The following NRXN3 variants were observed in gnomAD, a reference collection of about 807,000 sequenced individuals.
NRXN3 encodes the protein neurexin 3, also known as neurexin III.
NRXN3 carries 32 observed loss-of-function variants against 137.6 expected under a neutral mutation model. The observed-to-expected ratio is 0.23, with a 90% CI of 0.18 to 0.31. The LOEUF (loss-of-function observed/expected upper bound fraction) is 0.31, where lower values mean the gene tolerates loss of function less well. NRXN3 is among the 10% of genes least tolerant of loss of function. The pLI is 1.00. For synonymous variants in NRXN3, 798 were observed against 784.5 expected (o/e 1.02, Z -0.29); for missense variants, 1,574 against 2,062.5 (o/e 0.76, Z 4.59).
At chr14:79,292,739 G>T (rs1263716726) in intron 15 of NRXN3, among the ~76,000 whole-genome samples, 1 of 152,198 alleles carries the variant, frequency 6.6e-6, no homozygotes, top group African/African-American at 2.4e-5. Flanking sequence ...GTGAATATGT[G>T]TGTGTTTGCT....
At chr14:78,455,995 T>A (rs977175156) in intron 4 of NRXN3, among the ~76,000 whole-genome samples, 1 of 152,234 alleles carries the variant, frequency 6.6e-6, no homozygotes, top group East Asian at 1.9e-4. Context: ...AAGTGAAATA[T>A]CCTGATGGAC....
intron 16 of NRXN3, among the ~76,000 whole-genome samples, chr14:79,496,235 T>A (rs1014751234): frequency 2.8e-5 from 4 of 145,328 alleles, no homozygotes; most frequent in Non-Finnish European, 5.9e-5. Flanking sequence ...TCTCTCTCTC[T>A]CTCACACACA....
chr14:79,819,674 G>A (rs548759243), intron 20 of NRXN3, among the ~76,000 whole-genome samples: 43 of 151,476 alleles, frequency 2.8e-4, no homozygotes, highest in African/African-American at 1.0e-3. Flanking sequence ...TAGTAGAGAC[G>A]GGGTTTCACC....
chr14:78,838,071 A>G (rs2099002000), intron 10 of NRXN3, among the ~76,000 whole-genome samples: 1 of 152,174 alleles, frequency 6.6e-6, no homozygotes, highest in South Asian at 2.1e-4. Context: ...ATCACCAAGG[A>G]GGATAAAATA....
At chr14:78,244,088 T>C (rs2067340636) in intron 2 of NRXN3, among the ~76,000 whole-genome samples, 1 of 152,146 alleles carries the variant, frequency 6.6e-6, no homozygotes, top group Non-Finnish European at 1.5e-5. Context: ...CCCCTCTCAC[T>C]GCAGCACCGT....
chr14:78,807,542 C>A (rs1460860278), intron 9 of NRXN3, among the ~76,000 whole-genome samples: 1 of 151,894 alleles, frequency 6.6e-6, no homozygotes, highest in Non-Finnish European at 1.5e-5. Context: ...AGGAGACCAG[C>A]CTGGCCAACA....
chr14:78,738,776 G>A (rs953558558), intron 8 of NRXN3, among the ~76,000 whole-genome samples: 4 of 145,184 alleles, frequency 2.8e-5, no homozygotes, highest in African/African-American at 4.9e-5. Context: ...GGTGAGGGGT[G>A]GGGGGGTGCT....
At chr14:78,196,105 A>G (rs1456220064) in intron 1 of NRXN3, among the ~76,000 whole-genome samples, 2 of 152,086 alleles carry the variant, frequency 1.3e-5, no homozygotes, top group African/African-American at 4.8e-5. Flanking sequence ...GAGTTGTGGG[A>G]GTTTGAGGCT....
At chr14:79,752,451 A>G (rs1051361291) in intron 19 of NRXN3, among the ~76,000 whole-genome samples, 2 of 152,198 alleles carry the variant, frequency 1.3e-5, no homozygotes, top group African/African-American at 4.8e-5. Flanking sequence ...AAACCTGAGA[A>G]AGACAAGCAA....
At chr14:79,036,646 G>A (rs1391831358) in intron 15 of NRXN3, among the ~76,000 whole-genome samples, 2 of 131,430 alleles carry the variant, frequency 1.5e-5, no homozygotes, top group East Asian at 4.6e-4. Flanking sequence ...ACAACAAGGA[G>A]CAGCTAAGGA....
chr14:78,527,622 A>AT (rs1356310523), intron 4 of NRXN3, among the ~76,000 whole-genome samples: 1 of 152,294 alleles, frequency 6.6e-6, no homozygotes, highest in East Asian at 1.9e-4. Flanking sequence ...CTAAGCTCCA[A>AT]TTTTTTATGA....
At position 78,304,692 on chromosome 14, in the gene NRXN3, G is replaced by A. The variant is rs577078906; in HGVS notation, c.757+6832G>A. On this transcript the variant is annotated intron_variant, in intron 4 of 20. Transcript: ENST00000335750. ...CAGGGCAGGGGTCACAGACCCAAAAGCCAGCAGGGACCTGACCAGTCTTAA... is the reference window on the plus strand; with the variant it reads ...CAGGGCAGGGGTCACAGACCCAAAAACCAGCAGGGACCTGACCAGTCTTAA... 1.6e-4 allele frequency among the ~76,000 whole-genome samples: 24 copies of A among 152,318 alleles called. No homozygotes were observed. In the South Asian group the frequency reaches 4.6e-3, roughly 29 times the overall value.
intron 19 of NRXN3, among the ~76,000 whole-genome samples, chr14:79,767,160 A>G (rs1419794761): frequency 1.3e-5 from 2 of 152,174 alleles, no homozygotes; most frequent in Non-Finnish European, 2.9e-5. Context: ...GTCCAGTACA[A>G]TCTGTCTCCT....
chr14:78,472,411 C>A (rs1458684121), intron 4 of NRXN3, among the ~76,000 whole-genome samples: 5 of 152,176 alleles, frequency 3.3e-5, no homozygotes, highest in Non-Finnish European at 7.3e-5. Context: ...GTAATTTTCC[C>A]ATTTTGCTAC....
chr14:79,219,799 T>C (rs921696853), intron 15 of NRXN3, among the ~76,000 whole-genome samples: 1 of 152,212 alleles, frequency 6.6e-6, no homozygotes, highest in African/African-American at 2.4e-5. Context: ...GATTGTGTTG[T>C]ATTATGTACC....
At chr14:78,490,993 C>T (rs1319339430) in intron 4 of NRXN3, among the ~76,000 whole-genome samples, 5 of 152,150 alleles carry the variant, frequency 3.3e-5, no homozygotes, top group African/African-American at 1.2e-4. Flanking sequence ...CTGCATGTGC[C>T]TCCTTCTGAA....
intron 19 of NRXN3, among the ~76,000 whole-genome samples, chr14:79,698,839 C>T (rs923870849): frequency 6.6e-6 from 1 of 151,958 alleles, no homozygotes; most frequent in Non-Finnish European, 1.5e-5. Context: ...AGACATTATC[C>T]AGGAGCTCAG....
At chr14:78,174,819 G>A (rs558276866) in intron 1 of NRXN3, among the ~76,000 whole-genome samples, 7 of 152,290 alleles carry the variant, frequency 4.6e-5, no homozygotes, top group East Asian at 1.9e-4. Flanking sequence ...AGATCCCCAC[G>A]TCCACCAAGC....
intron 15 of NRXN3, among the ~76,000 whole-genome samples, chr14:79,383,794 C>T (rs1410051137): frequency 6.6e-6 from 1 of 152,168 alleles, no homozygotes; most frequent in Non-Finnish European, 1.5e-5. Context: ...TGTAACCCAT[C>T]TAGATAAATT....
Sources: allele counts gnomAD v4.1 joint callset (sites outside exome capture counted in the v4.1 genomes callset), GRCh38; gene constraint gnomAD v4.1.1; transcripts MANE v1.5; gene names NCBI Gene and HGNC (gene_info 2026-07-23, HGNC 2026-07-21).